Variants in NELL1 observed in about 807,000 individuals in gnomAD.
NELL1 encodes the protein protein kinase C-binding protein NELL1.
Under a neutral mutation model 107.4 loss-of-function variants are expected in NELL1, and 76 were observed. That is an observed-to-expected ratio of 0.71 (90% CI 0.59 to 0.86). The LOEUF (loss-of-function observed/expected upper bound fraction) is 0.86. Among genes scored for constraint, NELL1 ranks in the 40% least tolerant of loss-of-function variants. The pLI is 0.00. For synonymous variants in NELL1, 353 were observed against 341.2 expected, an observed-to-expected ratio of 1.03 and a Z score of -0.38; for missense variants, 1,024 against 1,005.5, an observed-to-expected ratio of 1.02 and a Z score of -0.25.
intron 14 of NELL1, among the ~76,000 whole-genome samples, chr11:21,328,960 T>C (rs778824241): frequency 6.6e-5 from 10 of 152,186 alleles, no homozygotes; most frequent in Admixed American, 5.2e-4. Flanking sequence ...TACAGGCTCA[T>C]AGGCAGAAGA....
chr11:21,337,831 T>G (rs7941080), intron 14 of NELL1, among the ~76,000 whole-genome samples: 31,174 of 63,782 alleles, frequency 0.49, 4,634 homozygotes, highest in East Asian at 0.59. Context: ...TTTCTTTCTT[T>G]CTTTCTTTTC....
intron 2 of NELL1, among the ~76,000 whole-genome samples, chr11:20,690,686 C>A (rs1174568382): frequency 6.6e-6 from 1 of 151,910 alleles, no homozygotes; most frequent in Non-Finnish European, 1.5e-5. Context: ...GTTACCGTAG[C>A]CTTGTAGCAT....
chr11:21,227,588 A>G (rs1857927349), intron 13 of NELL1, among the ~76,000 whole-genome samples: 1 of 152,150 alleles, frequency 6.6e-6, no homozygotes, highest in African/African-American at 2.4e-5. Flanking sequence ...CTTGTCTGCT[A>G]TTGCACCTGC....
intron 3 of NELL1, among the ~76,000 whole-genome samples, chr11:20,843,010 G>A (rs186500099): frequency 5.3e-5 from 8 of 152,134 alleles, no homozygotes; most frequent in Admixed American, 5.2e-4. Flanking sequence ...CTTTATTGAG[G>A]TCTTACAAAA....
intron 1 of NELL1, among the ~76,000 whole-genome samples, chr11:20,672,870 A>G (rs1158322614): frequency 1.0e-5 from 1 of 95,242 alleles, no homozygotes. Context: ...TTTTTTTTTG[A>G]GATGGAGTTT....
chr11:21,297,503 A>G (rs796836884), intron 14 of NELL1, among the ~76,000 whole-genome samples: 5 of 152,196 alleles, frequency 3.3e-5, no homozygotes, highest in African/African-American at 1.2e-4. Context: ...TCCAGTGTGC[A>G]GGTTGTGATA....
chr11:21,364,567 G>GAATAGAGTAC (rs1289477240), intron 14 of NELL1, among the ~76,000 whole-genome samples: 1 of 151,978 alleles, frequency 6.6e-6, no homozygotes, highest in Non-Finnish European at 1.5e-5. Flanking sequence ...AAATGATATA[G>GAATAGAGTAC]AATAGAGTAC....
intron 12 of NELL1, among the ~76,000 whole-genome samples, chr11:20,988,953 C>T (rs143611031): frequency 2.0e-5 from 3 of 152,176 alleles, no homozygotes; most frequent in Non-Finnish European, 4.4e-5. Context: ...CTGAGTTCTC[C>T]TCTTGACTCC....
rs961536070 is a variant in NELL1, at chr11:21,575,198, G to T, written c.*176G>T. On this transcript the variant is annotated 3_prime_UTR_variant, in exon 20 of 20. Coordinates refer to ENST00000357134, the MANE Select transcript of NELL1 (RefSeq NM_006157.5). ...GGTTGCCTTTTGGACCTACCACTTT[G>T]CTCATTCTTGCTAACCTAGTCTAGG... 7 of 597,932 alleles carry T rather than the reference G, an allele frequency of 1.2e-5. No individual in the cohort carries two copies. Among genetic ancestry groups the T allele is most frequent in the Non-Finnish European group, 1.8e-5 (6 of 332,050 alleles). 37.0% of individuals were successfully genotyped at this position (597,932 alleles called of 1,614,324 possible).
Position 20,783,680 on chromosome 11 carries a change from A to T in NELL1, c.185A>T (p.Asp62Val). The change falls in exon 3 of 20, where the codon GAC (aspartate) becomes GTC (valine). Residue 62 changes from aspartate to valine, a missense_variant and splice_region_variant. Coordinates refer to ENST00000357134, the MANE Select transcript of NELL1 (RefSeq NM_006157.5). Reference sequence around the variant, plus strand: ...TCCTGCTTTTCTTCTTGATTCCTAGACATAGAAAGAGAGATCCATGCAGCT... The same window carrying T: ...TCCTGCTTTTCTTCTTGATTCCTAGTCATAGAAAGAGAGATCCATGCAGCT... ...HNASKAFLFQDIEREIHAAPH... is the reference protein window; with the variant it reads ...HNASKAFLFQVIEREIHAAPH... 1.9e-6 allele frequency: 3 copies of T among 1,611,694 alleles called. No individual in the cohort carries two copies. Among genetic ancestry groups the T allele is most frequent in the Non-Finnish European group, 2.5e-6 (3 of 1,178,840 alleles).
intron 15 of NELL1, among the ~76,000 whole-genome samples, chr11:21,376,511 G>A (rs995216880): frequency 3.8e-4 from 58 of 152,114 alleles, no homozygotes; most frequent in Middle Eastern, 3.4e-3. Context: ...CTTATGCTTA[G>A]CATTGCTTTG....
intron 13 of NELL1, among the ~76,000 whole-genome samples, chr11:21,196,883 C>CT (rs200792090): frequency 0.036 from 4,931 of 136,228 alleles, 101 homozygotes; most frequent in Non-Finnish European, 0.053. Context: ...CTTTTCTTTT[C>CT]TTTTTTTTTT....
intron 13 of NELL1, among the ~76,000 whole-genome samples, chr11:21,156,069 A>G (rs1856225912): frequency 6.6e-6 from 1 of 152,140 alleles, no homozygotes; most frequent in African/African-American, 2.4e-5. Context: ...GACAGGGGGC[A>G]GGATGCTGAT....
intron 16 of NELL1, among the ~76,000 whole-genome samples, chr11:21,536,335 C>T (rs1257764275): frequency 6.6e-6 from 1 of 152,028 alleles, no homozygotes. Context: ...ATAGTTAAAC[C>T]AATTTTATAA....
intron 13 of NELL1, among the ~76,000 whole-genome samples, chr11:21,151,113 G>A (rs1856105499): frequency 6.6e-6 from 1 of 152,164 alleles, no homozygotes; most frequent in Admixed American, 6.5e-5. Flanking sequence ...ATAATTTGAT[G>A]TGAGATTTGG....
intron 12 of NELL1, among the ~76,000 whole-genome samples, chr11:20,962,521 T>C (rs1851310779): frequency 6.6e-6 from 1 of 152,214 alleles, no homozygotes; most frequent in Non-Finnish European, 1.5e-5. Context: ...ACCCCACTTC[T>C]CTATTGAGAC....
chr11:21,370,687 GTAT>G (rs781656565), intron 14 of NELL1, among the ~76,000 whole-genome samples, 163 bp from the exon 15 acceptor site: 12 of 152,062 alleles, frequency 7.9e-5, no homozygotes, highest in Non-Finnish European at 1.5e-4. Context: ...AGTGAAATAG[GTAT>G]TATTACATTT....
At chr11:21,484,001 ATATATATATAT>A in intron 15 of NELL1, among the ~76,000 whole-genome samples, 1 of 39,220 alleles carries the variant, frequency 2.5e-5, no homozygotes. Context: ...ATATATATAT[ATATATATATAT>A]ATATATATAT....
intron 12 of NELL1, among the ~76,000 whole-genome samples, chr11:21,068,239 C>T (rs931694117): frequency 1.3e-5 from 2 of 151,964 alleles, no homozygotes; most frequent in African/African-American, 4.8e-5. Flanking sequence ...TGATGGCTAA[C>T]ATTTCTGGAG....
Sources: allele counts gnomAD v4.1 joint callset (sites outside exome capture counted in the v4.1 genomes callset), GRCh38; gene constraint gnomAD v4.1.1; transcripts MANE v1.5; gene names NCBI Gene and HGNC (gene_info 2026-07-23, HGNC 2026-07-21).